The following TFIP11 variants were observed in gnomAD, a reference collection of about 807,000 sequenced individuals.
The protein encoded by TFIP11 is tuftelin interacting protein 11.
Under a neutral mutation model 96.8 loss-of-function variants are expected in TFIP11, and 86 were observed. The ratio of observed to expected loss-of-function variants is 0.89; its 90% CI spans 0.75 to 1.06. The LOEUF is 1.06. Among genes scored for constraint, TFIP11 ranks in the 50% least tolerant of loss-of-function variants. TFIP11 has a pLI of 0.00. For missense variants in TFIP11, 881 were observed against 1,076.7 expected, an observed-to-expected ratio of 0.82 and a Z score of 2.54; for synonymous variants, 405 against 395.2, an observed-to-expected ratio of 1.02 and a Z score of -0.29.
rs767970564 is a variant in TFIP11, at chr22:26,503,696, A to G, written c.618T>C (p.Pro206=). The change falls in exon 7 of 15, where the codon CCT becomes CCC. Residue 206 remains proline, a synonymous_variant. Coordinates refer to ENST00000407690, the MANE Select transcript of TFIP11 (RefSeq NM_012143.4). ...ERTTQSMQDF[P]VVDSEEEAEE... is the part of the protein sequence containing the mutation. ...CAGCTTCTTCCTCTGAGTCAACCAC[A>G]GGGAAGTCTTGCATGGACTGAGTGG... 44 of 1,614,000 alleles carry G rather than the reference A, an allele frequency of 2.7e-5. 2 individuals are homozygous for G. The Middle Eastern group carries it at 2.6e-3, about 96-fold the overall frequency.
chr22:26,491,267 T>G lies in TFIP11; in HGVS notation c.*746A>C. 2 of 727,524 alleles carry G rather than the reference T, an allele frequency of 2.7e-6. No homozygotes were observed. The highest frequency in any genetic ancestry group is 4.5e-6 in the Non-Finnish European group (2 of 440,768). 45.1% of individuals were successfully genotyped at this position (727,524 alleles called of 1,614,324 possible). ...AGTTTTTTCCTTATTTCCTTTATTCTTAGTATCACAGTCCATGATATCCAC... is the reference window on the plus strand; with the variant it reads ...AGTTTTTTCCTTATTTCCTTTATTCGTAGTATCACAGTCCATGATATCCAC... On this transcript the variant is annotated 3_prime_UTR_variant, in exon 15 of 15. Transcript: ENST00000407690.
rs868544743 is a variant in TFIP11 at position 26,510,051 on chromosome 22, T to G, written c.209+13A>C. ...CTAAAGCAAGGTGAAGCAGCCCCCATGCCAGGCAATACCGTTTGCCTCCAA... is the reference window on the plus strand; with the variant it reads ...CTAAAGCAAGGTGAAGCAGCCCCCAGGCCAGGCAATACCGTTTGCCTCCAA... On this transcript the variant is annotated intron_variant, in intron 4 of 14. Coordinates refer to ENST00000407690, the MANE Select transcript of TFIP11 (RefSeq NM_012143.4). 6.2e-7 allele frequency: 1 copy of G among 1,612,290 alleles called. No individual in the cohort carries two copies. Among genetic ancestry groups the G allele is most frequent in the African/African-American group, 1.3e-5 (1 of 74,852 alleles).
In TFIP11 at chr22:26,510,099, G is replaced by C. The variant is rs756927674; in HGVS notation, c.174C>G (p.Asp58Glu). The C allele has an allele frequency of 2.0e-5, 32 of 1,614,018 alleles. No homozygotes were observed. The highest frequency in any genetic ancestry group is 2.7e-5 in the Non-Finnish European group (32 of 1,180,040). The change falls in exon 4 of 15, where the codon GAC becomes GAG. Residue 58 changes from aspartate to glutamate, a missense_variant. By Grantham distance (45) the Asp-to-Glu change is conservative (BLOSUM62 2). Transcript: ENST00000407690. ...CAAAGCTGGGCCTCTCATCATCCGAGTCTCGCTCTGCCCACACCCCGTAGG... is the reference window on the plus strand; with the variant it reads ...CAAAGCTGGGCCTCTCATCATCCGACTCTCGCTCTGCCCACACCCCGTAGG... ...EATYGVWAER[D>E]SDDERPSFGG...
chr22:26,508,843 CA>C (rs134139), intron 4 of TFIP11, among the ~76,000 whole-genome samples: 124,399 of 139,002 alleles, frequency 0.89, 55,545 homozygotes, highest in East Asian at 0.99. Flanking sequence ...GACTTCATCT[CA>C]AAAAAAAAAA....
Position 26,498,948 on chromosome 22 carries a change from AGAT to A in TFIP11, c.1354_1356del (p.Ile452del). On this transcript the variant is annotated inframe_deletion, in exon 10 of 15. Coordinates refer to ENST00000407690, the MANE Select transcript of TFIP11 (RefSeq NM_012143.4). ...TTCTCTAGGAGGCTTTTCCACTTAG[AGAT>A]GATCTCGGTGCCATAAGTGCAGTCC... 6.2e-7 allele frequency: 1 copy of A among 1,613,930 alleles called. No individual in the cohort carries two copies. Among genetic ancestry groups the A allele is most frequent in the African/African-American group, 1.3e-5 (1 of 74,948 alleles).
chr22:26,510,431 A>ATTAAAAACCTACTT (rs1225889196), intron 3 of TFIP11, 150 bp from the exon 4 acceptor site: 8 of 715,470 alleles, frequency 1.1e-5, no homozygotes, highest in African/African-American at 1.1e-4. Context: ...TAAAAAAGAT[A>ATTAAAAACCTACTT]TTAAAAACCT....
At chr22:26,497,747 G>C (rs1173487479) in intron 10 of TFIP11, among the ~76,000 whole-genome samples, 2 of 152,064 alleles carry the variant, frequency 1.3e-5, no homozygotes, top group Non-Finnish European at 2.9e-5. Flanking sequence ...ATGGTGGCGA[G>C]CGCCTGTAGT....
intron 6 of TFIP11, among the ~76,000 whole-genome samples, chr22:26,505,694 T>TTCTA (rs1923310601): frequency 7.9e-6 from 1 of 126,462 alleles, no homozygotes; most frequent in East Asian, 2.3e-4. Context: ...TTTTTATTTA[T>TTCTA]TCTATTTATT....
At chr22:26,506,571 G>A in intron 5 of TFIP11, 112 bp from the exon 6 acceptor site, 1 of 1,406,030 alleles carries the variant, frequency 7.1e-7, no homozygotes, top group Non-Finnish European at 9.6e-7. Flanking sequence ...TATGAAAAGT[G>A]TCATATGAAC....
At chr22:26,502,404 A>T (rs1025887435) in intron 7 of TFIP11, among the ~76,000 whole-genome samples, 13 of 152,172 alleles carry the variant, frequency 8.5e-5, no homozygotes, top group African/African-American at 3.1e-4. Flanking sequence ...AATGTAAAGG[A>T]TTTTTTAAGC....
intron 10 of TFIP11, among the ~76,000 whole-genome samples, chr22:26,497,999 A>G (rs1922276826): frequency 2.0e-5 from 1 of 51,260 alleles, no homozygotes; most frequent in Non-Finnish European, 6.4e-5. Flanking sequence ...ACAAGTGGAT[A>G]AAGAAACTGT....
chr22:26,509,346 A>G (rs1923784651), intron 4 of TFIP11, among the ~76,000 whole-genome samples: 1 of 152,224 alleles, frequency 6.6e-6, no homozygotes, highest in South Asian at 2.1e-4. Flanking sequence ...TTTTCTCCAC[A>G]GAAATCTTCC....
At chr22:26,495,599 C>T (rs1297230493) in intron 12 of TFIP11, among the ~76,000 whole-genome samples, 4 of 29,376 alleles carry the variant, frequency 1.4e-4, no homozygotes, top group Admixed American at 3.9e-4. Context: ...TACATATATA[C>T]ATATATATGT....
rs147348111 is a variant in TFIP11 at position 26,509,160 on chromosome 22, T to C, written c.209+904A>G. On this transcript the variant is annotated intron_variant, in intron 4 of 14. Coordinates refer to ENST00000407690, the MANE Select transcript of TFIP11 (RefSeq NM_012143.4). ...TCTCAAAACATAACCCAGCCCCACA[T>C]CACACCCTCTCTATCACACACACTA... Among the ~76,000 whole-genome samples the C allele has an allele frequency of 3.3e-4, 50 of 152,172 alleles. 1 individual carries two copies. In the East Asian group the frequency reaches 9.7e-3, roughly 29 times the overall value.
chr22:26,509,944 G>C (rs951378737), intron 4 of TFIP11, 120 bp downstream of exon 4: 22 of 987,364 alleles, frequency 2.2e-5, no homozygotes, highest in Non-Finnish European at 3.4e-5. Context: ...TGATGTCACA[G>C]CTAACAGTCT....
intron 14 of TFIP11, chr22:26,493,852 A>T: frequency 2.6e-6 from 1 of 391,928 alleles, no homozygotes; most frequent in Non-Finnish European, 4.8e-6. Flanking sequence ...CACACAGCAC[A>T]GTGGTTAAGA....
In TFIP11 at chr22:26,491,291, A is replaced by G. The variant is rs1053907052; in HGVS notation, c.*722T>C. 2.1e-5 allele frequency: 15 copies of G among 721,772 alleles called. No individual in the cohort carries two copies. The highest frequency in any genetic ancestry group is 3.0e-5 in the Non-Finnish European group (13 of 434,812). 44.7% of individuals were successfully genotyped at this position (721,772 alleles called of 1,614,324 possible). A position where few individuals can be genotyped will look rare whatever the true frequency, so the allele number is the denominator to read the frequency against. ...CTTAGTATCACAGTCCATGATATCC[A>G]CTGTCCTTGGGGCGCCCAATTCATT... On this transcript the variant is annotated 3_prime_UTR_variant, in exon 15 of 15. Transcript: ENST00000407690.
In TFIP11 at chr22:26,499,323, G is replaced by A. The variant is rs146503953; in HGVS notation, c.1110C>T (p.Ile370=). 17 of 1,614,170 alleles carry A rather than the reference G, an allele frequency of 1.1e-5. No homozygotes were observed. Among genetic ancestry groups the A allele is most frequent in the Non-Finnish European group, 1.4e-5 (16 of 1,180,024 alleles). The stretch of plus-strand genomic sequence containing the variant: ...TCTCCAGGACCTTGCTGAGGTTCGA[G>A]ATGACCCGCTCCTCGTGGTCCAGGA... ...TEVLDHEERV[I]SNLSKVLEMV... The change falls in exon 9 of 15, where the codon ATC becomes ATT. Residue 370 remains isoleucine, a synonymous_variant. Coordinates refer to ENST00000407690, the MANE Select transcript of TFIP11 (RefSeq NM_012143.4).
rs1922857440 is a variant in TFIP11, at chr22:26,501,991, T to G, written c.710A>C (p.Lys237Thr). 5.0e-6 allele frequency: 8 copies of G among 1,613,784 alleles called. No homozygotes were observed. Among genetic ancestry groups the G allele is most frequent in the Non-Finnish European group, 6.8e-6 (8 of 1,180,004 alleles). ...KDPSGSKKKP[K>T]YSYKTVEELK... ...CTCTTCCACGGTCTTGTAAGAGTAT[T>G]TGGGCTTCTTCTTGCTTCCACTTGG... is the stretch of plus-strand genomic sequence containing the variant. Residue 237 changes from lysine (K) to threonine (T), a missense_variant, in exon 8 of 15, where the codon AAA (lysine) becomes ACA (threonine). Coordinates refer to ENST00000407690, the MANE Select transcript of TFIP11 (RefSeq NM_012143.4).
Sources: allele counts gnomAD v4.1 joint callset (sites outside exome capture counted in the v4.1 genomes callset), GRCh38; gene constraint gnomAD v4.1.1; transcripts MANE v1.5; gene names NCBI Gene and HGNC (gene_info 2026-07-23, HGNC 2026-07-21).